Variants in CLASP1 observed in about 807,000 individuals in gnomAD.
CLASP1 encodes cytoplasmic linker associated protein 1.
A neutral mutation model predicts 192.3 loss-of-function variants in CLASP1; 38 were observed. The observed-to-expected ratio is 0.20, with a 90% confidence interval of 0.15 to 0.26. The LOEUF (loss-of-function observed/expected upper bound fraction) is 0.26, where lower values mean the gene tolerates loss of function less well. Ranked by LOEUF, CLASP1 falls within the 10% of genes least tolerant of loss-of-function variation. The probability of loss-of-function intolerance (pLI) is 1.00; values close to 1 mark genes in which losing one functional copy is unlikely to be tolerated. For synonymous variants in CLASP1, 691 were observed against 712.8 expected, an observed-to-expected ratio of 0.97 and a Z score of 0.49; for missense variants, 1,433 against 1,932.5, an observed-to-expected ratio of 0.74 and a Z score of 4.85.
At chr2:121,422,961 T>C (rs1431144119) in intron 22 of CLASP1, among the ~76,000 whole-genome samples, 1 of 152,098 alleles carries the variant, frequency 6.6e-6, no homozygotes, top group African/African-American at 2.4e-5. Context: ...AAAACTGCTA[T>C]ACAATGAGTC....
At chr2:121,556,956 G>A (rs1055514847) in intron 2 of CLASP1, among the ~76,000 whole-genome samples, 1 of 152,148 alleles carries the variant, frequency 6.6e-6, no homozygotes, top group African/African-American at 2.4e-5. Flanking sequence ...CTCCATCCTA[G>A]TTCTGCTACC....
At chr2:121,610,421 T>C (rs1299759288) in intron 1 of CLASP1, among the ~76,000 whole-genome samples, 1 of 92,002 alleles carries the variant, frequency 1.1e-5, no homozygotes, top group African/African-American at 4.5e-5. Flanking sequence ...GAAGAGGAAC[T>C]AGAGGAGGAG....
chr2:121,570,367 C>T (rs1220138383), intron 2 of CLASP1, among the ~76,000 whole-genome samples: 5 of 152,190 alleles, frequency 3.3e-5, no homozygotes, highest in Non-Finnish European at 5.9e-5. Flanking sequence ...AACATAAAGC[C>T]AATCTTCTCT....
chr2:121,574,125 C>T (rs1488784010), intron 2 of CLASP1, among the ~76,000 whole-genome samples: 1 of 152,092 alleles, frequency 6.6e-6, no homozygotes, highest in East Asian at 1.9e-4. Context: ...GTCAGGAGAT[C>T]GAGACTATCC....
intron 2 of CLASP1, among the ~76,000 whole-genome samples, chr2:121,543,846 A>G (rs1316833740): frequency 6.6e-6 from 1 of 152,196 alleles, no homozygotes; most frequent in Non-Finnish European, 1.5e-5. Flanking sequence ...GCCCAGAGAC[A>G]GTAAAAAAAA....
Position 121,517,448 on chromosome 2 carries a change from T to A in CLASP1, c.547-1686A>T, listed in dbSNP as rs375254982. ...ATCTCTTCCAGTGGAAAAAGGCAAA[T>A]CTTAGGCTATATTGTCACCCAAAAC... On this transcript the variant is annotated intron_variant, in intron 6 of 39. Transcript: ENST00000263710. Among the ~76,000 whole-genome samples the A allele has an allele frequency of 1.3e-4, 20 of 152,210 alleles. No individual in the cohort carries two copies. The South Asian group carries it at 4.1e-3, about 32-fold the overall frequency.
At chr2:121,496,716 A>G (rs1259436713) in intron 8 of CLASP1, among the ~76,000 whole-genome samples, 3 of 152,198 alleles carry the variant, frequency 2.0e-5, no homozygotes, top group African/African-American at 7.2e-5. Context: ...CAATGCCGAG[A>G]TAGGTATTAG....
chr2:121,577,106 G>T (rs148123741), intron 2 of CLASP1, among the ~76,000 whole-genome samples: 393 of 152,228 alleles, frequency 2.6e-3, no homozygotes, highest in South Asian at 3.9e-3. Flanking sequence ...CCAGGGGACT[G>T]GGGGGCAGCA....
At chr2:121,472,799 G>A (rs1197787910) in intron 8 of CLASP1, among the ~76,000 whole-genome samples, 1 of 152,208 alleles carries the variant, frequency 6.6e-6, no homozygotes, top group Non-Finnish European at 1.5e-5. Flanking sequence ...AAAGTGGAAT[G>A]TTCTTGGTGA....
At chr2:121,645,676 T>C (rs1053501947) in intron 1 of CLASP1, among the ~76,000 whole-genome samples, 10 of 152,086 alleles carry the variant, frequency 6.6e-5, no homozygotes, top group African/African-American at 2.2e-4. Context: ...AGGTGATATA[T>C]ACAACAGGAA....
At chr2:121,633,412 G>A (rs961479095) in intron 1 of CLASP1, among the ~76,000 whole-genome samples, 8 of 149,334 alleles carry the variant, frequency 5.4e-5, no homozygotes, top group African/African-American at 1.0e-4. Flanking sequence ...ATAGCAACAA[G>A]TTTCCTAAAA....
chr2:121,550,506 CAAAG>C (rs1209436330), intron 2 of CLASP1, among the ~76,000 whole-genome samples: 1 of 151,572 alleles, frequency 6.6e-6, no homozygotes, highest in Non-Finnish European at 1.5e-5. Flanking sequence ...GCTAGACTAA[CAAAG>C]AAGAAAAAAG....
intron 1 of CLASP1, 27 bp from the exon 2 acceptor site, chr2:121,606,207 A>G: frequency 2.3e-6 from 1 of 442,630 alleles, no homozygotes. Context: ...GAGAACGACA[A>G]ATTAGCACAG....
chr2:121,440,296 G>T (rs1559201637), intron 19 of CLASP1, among the ~76,000 whole-genome samples: 1 of 152,044 alleles, frequency 6.6e-6, no homozygotes, highest in African/African-American at 2.4e-5. Context: ...GTTTCATTTT[G>T]TTTTGTTTTC....
intron 2 of CLASP1, among the ~76,000 whole-genome samples, chr2:121,540,736 T>A (rs1346946921): frequency 6.7e-6 from 1 of 149,830 alleles, no homozygotes; most frequent in Non-Finnish European, 1.5e-5. Context: ...GCAGTGAGCC[T>A]AGATCGCGCC....
intron 30 of CLASP1, among the ~76,000 whole-genome samples, chr2:121,389,825 C>T (rs973211940): frequency 5.3e-5 from 8 of 152,162 alleles, no homozygotes; most frequent in African/African-American, 1.9e-4. Context: ...AAATAAGATC[C>T]AAGTTCTAGA....
intron 2 of CLASP1, among the ~76,000 whole-genome samples, chr2:121,550,398 G>C (rs2057923447): frequency 6.6e-6 from 1 of 151,742 alleles, no homozygotes; most frequent in South Asian, 2.1e-4. Flanking sequence ...CAAAATCAGA[G>C]TTGAAATGAA....
rs369281205 is a variant in CLASP1, at chr2:121,365,229, G to A, written c.3942C>T (p.His1314=). Residue 1314 remains histidine, a synonymous_variant, in exon 36 of 40, where the codon CAC becomes CAT. Transcript: ENST00000263710. ...CCTTCCGTTCCTCCACTCGCTCATT[G>A]TGGTTGGACAGCTCTTTCAGAAGGT... 5 of 1,613,596 alleles carry A rather than the reference G, an allele frequency of 3.1e-6. No homozygotes were observed. The African/African-American group carries it at 6.7e-5, about 22-fold the overall frequency.
At chr2:121,582,809 G>C (rs1325702584) in intron 2 of CLASP1, among the ~76,000 whole-genome samples, 1 of 149,434 alleles carries the variant, frequency 6.7e-6, no homozygotes, top group African/African-American at 2.5e-5. Flanking sequence ...AACTGAGACA[G>C]AGTCTTGCTC....
Sources: allele counts gnomAD v4.1 joint callset (sites outside exome capture counted in the v4.1 genomes callset), GRCh38; gene constraint gnomAD v4.1.1; transcripts MANE v1.5; gene names NCBI Gene and HGNC (gene_info 2026-07-23, HGNC 2026-07-21).